The following SPACDR variants were observed in gnomAD, a reference collection of about 807,000 sequenced individuals.
SPACDR encodes the protein uncharacterized protein C7orf61.
At chr7:100,461,941 C>G in the SPACDR span, among the ~76,000 whole-genome samples, 1 of 147,678 alleles carries the variant, frequency 6.8e-6, no homozygotes, top group Admixed American at 6.9e-5. Flanking sequence ...TGCAGCGAAC[C>G]GAGATCCCGC....
the SPACDR span, chr7:100,463,709 G>A: frequency 6.3e-7 from 1 of 1,588,030 alleles, no homozygotes; most frequent in Non-Finnish European, 8.6e-7. Flanking sequence ...ACACAGAGAG[G>A]AGAGACAGGA....
the SPACDR span, chr7:100,464,163 TAAAG>T: frequency 6.6e-7 from 1 of 1,507,324 alleles, no homozygotes; most frequent in South Asian, 1.3e-5. Context: ...AGCACAGCAG[TAAAG>T]AAAGAAGTAG....
chr7:100,462,209 T>A, the SPACDR span, among the ~76,000 whole-genome samples: 4 of 152,266 alleles, frequency 2.6e-5, no homozygotes, highest in Middle Eastern at 6.8e-3. Context: ...AAATATTTTT[T>A]ATTTTTATTA....
the SPACDR span, chr7:100,463,923 C>T: frequency 1.3e-6 from 2 of 1,586,182 alleles, no homozygotes; most frequent in Non-Finnish European, 8.6e-7. Context: ...ATGCCCTCAT[C>T]CCAGCGCATC....
At chr7:100,460,599 AAG>A in the SPACDR span, among the ~76,000 whole-genome samples, 9 of 150,928 alleles carry the variant, frequency 6.0e-5, no homozygotes, top group East Asian at 1.9e-4. Context: ...TAAAAAAAAA[AAG>A]AGAGAGAGAG....
chr7:100,458,782 C>T, the SPACDR span, among the ~76,000 whole-genome samples: 63 of 152,080 alleles, frequency 4.1e-4, no homozygotes, highest in Middle Eastern at 3.4e-3. Context: ...AAAAAATTAG[C>T]TGGGTGTGGT....
the SPACDR span, chr7:100,457,091 T>C: frequency 4.3e-6 from 3 of 703,476 alleles, no homozygotes; most frequent in African/African-American, 1.8e-5. Flanking sequence ...TGATTCCACC[T>C]CTCCCATCAG....
chr7:100,457,618 CTTT>C, the SPACDR span, among the ~76,000 whole-genome samples: 6 of 93,516 alleles, frequency 6.4e-5, no homozygotes, highest in Admixed American at 1.2e-4. Flanking sequence ...CATGCCTGGC[CTTT>C]TTTTTTTTTT....
At chr7:100,462,403 C>T in the SPACDR span, among the ~76,000 whole-genome samples, 3 of 151,536 alleles carry the variant, frequency 2.0e-5, no homozygotes, top group African/African-American at 4.8e-5. Context: ...TTAGTAGAGA[C>T]GGGGTTTCAC....
At chr7:100,460,361 G>A in the SPACDR span, among the ~76,000 whole-genome samples, 1 of 151,904 alleles carries the variant, frequency 6.6e-6, no homozygotes, top group Non-Finnish European at 1.5e-5. Flanking sequence ...AGTCTGAGGT[G>A]GGAGGATCGC....
At chr7:100,461,498 G>A in the SPACDR span, among the ~76,000 whole-genome samples, 2 of 151,818 alleles carry the variant, frequency 1.3e-5, no homozygotes, top group African/African-American at 2.4e-5. Context: ...GGCTGGTCTC[G>A]AACTCCTGAG....
the SPACDR span, among the ~76,000 whole-genome samples, chr7:100,461,363 G>A: frequency 1.3e-5 from 2 of 151,890 alleles, no homozygotes; most frequent in Admixed American, 6.6e-5. Flanking sequence ...TGCAGCCTCC[G>A]CTTCCCAGAC....
At chr7:100,459,555 G>C in the SPACDR span, among the ~76,000 whole-genome samples, 812 of 152,310 alleles carry the variant, frequency 5.3e-3, 13 homozygotes, top group African/African-American at 0.019. Flanking sequence ...CTCCCAAAGT[G>C]CTGGGATTAC....
At chr7:100,461,798 G>C in the SPACDR span, among the ~76,000 whole-genome samples, 1 of 151,758 alleles carries the variant, frequency 6.6e-6, no homozygotes, top group Non-Finnish European at 1.5e-5. Flanking sequence ...GACCATCCTG[G>C]TTAACACAGT....
At chr7:100,457,857 ATTT>A in the SPACDR span, among the ~76,000 whole-genome samples, 770 of 88,272 alleles carry the variant, frequency 8.7e-3, 1 homozygote, top group Middle Eastern at 0.022. Context: ...ATATATATAT[ATTT>A]TTTTTTTTTT....
chr7:100,464,210 A>C, the SPACDR span: 3 of 1,461,222 alleles, frequency 2.1e-6, no homozygotes, highest in African/African-American at 2.8e-5. Context: ...CTGGCAATGA[A>C]TCCCAGACCT....
the SPACDR span, among the ~76,000 whole-genome samples, chr7:100,461,615 A>G: frequency 6.7e-6 from 1 of 150,136 alleles, no homozygotes; most frequent in African/African-American, 2.5e-5. Flanking sequence ...CACCCCTCCC[A>G]CTCCCTCCAC....
chr7:100,464,151 C>T, the SPACDR span: 1 of 1,528,540 alleles, frequency 6.5e-7, no homozygotes, highest in Admixed American at 2.0e-5. Flanking sequence ...CTGTGAGCTT[C>T]AAGCACAGCA....
the SPACDR span, among the ~76,000 whole-genome samples, chr7:100,457,189 G>A: frequency 1.3e-5 from 2 of 149,724 alleles, no homozygotes; most frequent in Admixed American, 1.3e-4. Context: ...TTTTTAATGA[G>A]ACGGGGTCTT....
Sources: allele counts gnomAD v4.1 joint callset (sites outside exome capture counted in the v4.1 genomes callset), GRCh38; gene constraint gnomAD v4.1.1; transcripts MANE v1.5; gene names NCBI Gene and HGNC (gene_info 2026-07-23, HGNC 2026-07-21).